The following AATF variants were observed in gnomAD, a reference collection of about 807,000 sequenced individuals.
The protein encoded by AATF is apoptosis antagonizing transcription factor.
Under a neutral mutation model 63.7 loss-of-function variants are expected in AATF, and 48 were observed. The observed-to-expected ratio is 0.75, with a 90% CI of 0.60 to 0.96. The LOEUF is 0.96. Among genes scored for constraint, AATF ranks in the 40% least tolerant of loss-of-function variants. The pLI, the probability that AATF is intolerant of heterozygous loss-of-function variation, is 0.00. For missense variants in AATF, 639 were observed against 685.7 expected, an observed-to-expected ratio of 0.93 and a Z score of 0.76; for synonymous variants, 258 against 247.7, an observed-to-expected ratio of 1.04 and a Z score of -0.39.
At position 37,048,483 on chromosome 17, in the gene AATF, G is replaced by A. The variant is rs191402818; in HGVS notation, c.1620-8118G>A. Among the ~76,000 whole-genome samples, 186 of 149,308 alleles carry A rather than the reference G, an allele frequency of 1.2e-3. 1 individual carries two copies. The highest frequency in any genetic ancestry group is 4.2e-3 in the Admixed American group (62 of 14,764). On this transcript the variant is annotated intron_variant, in intron 11 of 11. Coordinates refer to ENST00000619387, the MANE Select transcript of AATF (RefSeq NM_012138.4). ...CCTCCCAGGTTCAAGTGATTTTCCCGGCTCAGCCTCCCAAGTACCTGGGAT... is the reference window on the plus strand; with the variant it reads ...CCTCCCAGGTTCAAGTGATTTTCCCAGCTCAGCCTCCCAAGTACCTGGGAT...
intron 11 of AATF, chr17:37,055,949 A>G (rs2071794829): frequency 6.6e-6 from 1 of 152,286 alleles, no homozygotes; most frequent in Admixed American, 6.5e-5. Flanking sequence ...GTTTGTGTGT[A>G]TGTTGCATTT....
chr17:36,999,830 T>G (rs1161444091), intron 8 of AATF: 2 of 152,184 alleles, frequency 1.3e-5, no homozygotes. Context: ...GGATGGCAAG[T>G]GCACAGACTC....
intron 11 of AATF, among the ~76,000 whole-genome samples, chr17:37,054,297 G>A (rs1387009162): frequency 6.6e-6 from 1 of 152,214 alleles, no homozygotes. Flanking sequence ...GGTTGTTGCT[G>A]TGTGCTTCAT....
At chr17:37,031,713 A>T (rs1223708333) in intron 11 of AATF, 28 bp downstream of exon 11, 1 of 1,578,108 alleles carries the variant, frequency 6.3e-7, no homozygotes, top group African/African-American at 1.3e-5. Context: ...TATGTGTCTC[A>T]AATGGCTTCA....
chr17:36,973,825 C>G (rs1265475934), intron 4 of AATF, among the ~76,000 whole-genome samples: 4 of 152,064 alleles, frequency 2.6e-5, no homozygotes, highest in Non-Finnish European at 5.9e-5. Flanking sequence ...AATCCCAGAC[C>G]TTTGGGAGGC....
At chr17:37,007,356 T>A (rs1039123635) in intron 8 of AATF, among the ~76,000 whole-genome samples, 5 of 148,484 alleles carry the variant, frequency 3.4e-5, no homozygotes, top group Non-Finnish European at 7.4e-5. Context: ...CCTGGCTAAT[T>A]TAATTTTTTT....
chr17:36,954,360 A>C (rs1340502000), intron 4 of AATF, among the ~76,000 whole-genome samples: 1 of 152,142 alleles, frequency 6.6e-6, no homozygotes, highest in East Asian at 1.9e-4. Flanking sequence ...AGGATTACAG[A>C]TGTGACCTAC....
chr17:36,949,340 A>T, intron 1 of AATF, 124 bp downstream of exon 1: 2 of 914,532 alleles, frequency 2.2e-6, no homozygotes, highest in Non-Finnish European at 3.1e-6. Context: ...GGCGCAGAGG[A>T]ACGTCGCCTC....
chr17:36,994,231 A>G (rs1375845187), intron 8 of AATF, among the ~76,000 whole-genome samples: 1 of 152,132 alleles, frequency 6.6e-6, no homozygotes, highest in African/African-American at 2.4e-5. Flanking sequence ...CCATACCTTT[A>G]TTTCTTAAAT....
At chr17:36,967,203 A>G (rs1269392978) in intron 4 of AATF, among the ~76,000 whole-genome samples, 1 of 151,822 alleles carries the variant, frequency 6.6e-6, no homozygotes, top group East Asian at 1.9e-4. Context: ...ACTCATGCAT[A>G]CTTTCTGGTT....
chr17:37,021,554 G>A (rs1277891478), intron 10 of AATF, among the ~76,000 whole-genome samples: 4 of 152,144 alleles, frequency 2.6e-5, no homozygotes, highest in East Asian at 3.9e-4. Flanking sequence ...ACTTGAACCC[G>A]GGAGGCGGAG....
chr17:37,011,470 A>G lies in AATF; in HGVS notation c.1399-7535A>G, dbSNP rs374074748. On this transcript the variant is annotated intron_variant, in intron 8 of 11. Transcript: ENST00000619387. ...GAGAAAAGTGGACAAATTCGTGAATATAAGACTTGAGATAGTTGAGATATT... is the reference window on the plus strand; with the variant it reads ...GAGAAAAGTGGACAAATTCGTGAATGTAAGACTTGAGATAGTTGAGATATT... Among the ~76,000 whole-genome samples, 7 of 152,342 alleles carry G rather than the reference A, an allele frequency of 4.6e-5. No individual in the cohort carries two copies. In the East Asian group the frequency reaches 7.7e-4, roughly 17 times the overall value.
At chr17:37,042,358 A>T (rs2142313904) in intron 11 of AATF, among the ~76,000 whole-genome samples, 1 of 151,282 alleles carries the variant, frequency 6.6e-6, no homozygotes, top group African/African-American at 2.4e-5. Context: ...TTATTCAATG[A>T]TCTTCACTTT....
intron 4 of AATF, among the ~76,000 whole-genome samples, chr17:36,965,889 A>G (rs1051064527): frequency 7.9e-5 from 12 of 151,510 alleles, no homozygotes; most frequent in African/African-American, 2.9e-4. Flanking sequence ...TTTCTTTTTT[A>G]TAGAGATGGG....
chr17:36,972,665 G>A (rs914198958), intron 4 of AATF, among the ~76,000 whole-genome samples: 1 of 141,608 alleles, frequency 7.1e-6, no homozygotes, highest in African/African-American at 3.0e-5. Context: ...AGCTTCTGGA[G>A]TAAACATTTT....
At chr17:37,017,424 A>G (rs1157586809) in intron 8 of AATF, among the ~76,000 whole-genome samples, 1 of 152,062 alleles carries the variant, frequency 6.6e-6, no homozygotes, top group Admixed American at 6.6e-5. Flanking sequence ...GCTTAGCCTT[A>G]AGGGCAGCTG....
chr17:36,986,390 C>G lies in AATF; in HGVS notation c.833-227C>G, dbSNP rs377436578. Among the ~76,000 whole-genome samples, 4 of 152,284 alleles carry G rather than the reference C, an allele frequency of 2.6e-5. No individual in the cohort carries two copies. The South Asian group carries it at 6.2e-4, about 24-fold the overall frequency. On this transcript the variant is annotated intron_variant, in intron 4 of 11. Transcript: ENST00000619387. ...CTCTTTGCAGACACTTTTCTAAGCA[C>G]CTTACATGCATGATCTTGCTTGTTC...
chr17:37,032,944 A>G (rs1003475856), intron 11 of AATF, among the ~76,000 whole-genome samples: 17 of 152,246 alleles, frequency 1.1e-4, no homozygotes, highest in Non-Finnish European at 1.5e-4. Flanking sequence ...ATTATTGGTC[A>G]TAACATAGGC....
intron 8 of AATF, chr17:36,999,781 C>A (rs1403736990): frequency 6.6e-6 from 1 of 152,170 alleles, no homozygotes; most frequent in East Asian, 1.9e-4. Context: ...ACAAACAGAG[C>A]CATGCAGTTG....
Sources: gnomAD v4.1 joint callset for allele counts (sites outside exome capture counted in the v4.1 genomes callset) on GRCh38, gnomAD v4.1.1 for gene constraint, MANE v1.5 for transcripts, NCBI Gene and HGNC (gene_info 2026-07-23, HGNC 2026-07-21) for gene names.